Variants in SF3B1 observed in about 807,000 individuals in gnomAD.
SF3B1 encodes the protein pre-mRNA processing 10.
In SF3B1, 12 loss-of-function variants were observed where a neutral mutation model predicts 153.8. That is an observed-to-expected ratio of 0.08 (90% CI 0.05 to 0.13). The LOEUF (loss-of-function observed/expected upper bound fraction) is 0.13. SF3B1 is among the 10% of genes least tolerant of loss of function. The pLI is 1.00. For synonymous variants in SF3B1, 498 were observed against 525.2 expected, an observed-to-expected ratio of 0.95 and a Z score of 0.71; for missense variants, 513 against 1,606.1, an observed-to-expected ratio of 0.32 and a Z score of 11.63.
At chr2:197,428,680 G>A in intron 1 of SF3B1, among the ~76,000 whole-genome samples, 1 of 152,124 alleles carries the variant, frequency 6.6e-6, no homozygotes, top group Admixed American at 6.5e-5. Flanking sequence ...AATCACTTGA[G>A]ATCAGGAGTT....
At chr2:197,408,333 A>C in intron 8 of SF3B1, 36 bp downstream of exon 8, 1 of 1,582,908 alleles carries the variant, frequency 6.3e-7, no homozygotes, top group Non-Finnish European at 8.7e-7. Flanking sequence ...TAATTTATGG[A>C]GAAAAAAACA....
At position 197,418,903 on chromosome 2, in the gene SF3B1, T is replaced by C. The variant is rs1291480905; in HGVS notation, c.416-315A>G. On this transcript the variant is annotated intron_variant, in intron 4 of 24. Transcript: ENST00000335508. ...CTAATCCGGAATACGTACACTTTCG[T>C]GCCTTTGTCTCCATCAGCAGTTCTG... 1.9e-6 allele frequency: 3 copies of C among 1,595,592 alleles called. No individual in the cohort carries two copies. In the African/African-American group the frequency reaches 4.0e-5, roughly 21 times the overall value.
At chr2:197,420,368 T>G in intron 4 of SF3B1, 60 bp downstream of exon 4, 2 of 1,317,730 alleles carry the variant, frequency 1.5e-6, no homozygotes, top group Non-Finnish European at 2.2e-6. Context: ...ATCAAAGGGC[T>G]AAAGACAACT....
In SF3B1 at chr2:197,402,774, A is replaced by C. The variant is rs1438613366; in HGVS notation, c.1859T>G (p.Met620Arg). 6.2e-7 allele frequency: 1 copy of C among 1,614,116 alleles called. No individual in the cohort carries two copies. Among genetic ancestry groups the C allele is most frequent in the Non-Finnish European group, 8.5e-7 (1 of 1,180,000 alleles). The stretch of plus-strand genomic sequence containing the variant: ...TGTTGTGTTACGGACATACTCATCC[A>C]TGTTATCTATATCAGGTCTCATGGT... ...ISTMRPDIDN[M>R]DEYVRNTTAR... Residue 620 changes from methionine (M) to arginine (R), a missense_variant, in exon 14 of 25, where the codon ATG (methionine) becomes AGG (arginine). Met to Arg is a moderately conservative substitution (Grantham distance 91). Around this residue, in one of 21 missense-constraint regions of SF3B1, gnomAD observed 11 missense variants for 16.2 expected, o/e 0.68. Transcript: ENST00000335508. The surrounding 1 kb of genome is among the most constrained non-coding windows in gnomAD (Gnocchi z 4.6).
chr2:197,417,303 T>C (rs2085162237), intron 5 of SF3B1, among the ~76,000 whole-genome samples: 1 of 152,154 alleles, frequency 6.6e-6, no homozygotes, highest in Non-Finnish European at 1.5e-5. Context: ...AATAATAAAA[T>C]TGTTTTATTT....
chr2:197,401,006 A>T lies in SF3B1; in HGVS notation c.2497-70T>A. ...AAGGAAATAAAGCAACATCATGAAA[A>T]CCAAATACTCTAAATATACTACTTA... On this transcript the variant is annotated intron_variant, in intron 17 of 24. Coordinates refer to ENST00000335508, the MANE Select transcript of SF3B1 (RefSeq NM_012433.4). The surrounding 1 kb of genome is among the most constrained non-coding windows in gnomAD (Gnocchi z 4.2). 2 of 885,664 alleles carry T rather than the reference A, an allele frequency of 2.3e-6. No individual in the cohort carries two copies. Among genetic ancestry groups the T allele is most frequent in the Middle Eastern group, 4.5e-4 (2 of 4,480 alleles). 54.9% of individuals were successfully genotyped at this position (885,664 alleles called of 1,614,324 possible).
intron 8 of SF3B1, 65 bp downstream of exon 8, chr2:197,408,304 C>T: frequency 6.6e-7 from 1 of 1,503,994 alleles, no homozygotes; most frequent in Admixed American, 1.8e-5. Flanking sequence ...CACAGAATAC[C>T]ACAAAGGAAA....
intron 1 of SF3B1, 95 bp from the exon 2 acceptor site, chr2:197,424,069 C>G: frequency 4.9e-6 from 5 of 1,014,576 alleles, no homozygotes; most frequent in Non-Finnish European, 7.3e-6. Flanking sequence ...AAAATACTCT[C>G]TTAAATACAG....
rs771205060 is a variant in SF3B1, at chr2:197,392,365, G to A, written c.3853C>T (p.Pro1285Ser). ...GSQDALIAHY[P>S]RIYNDDKNTY... Reference sequence around the variant, plus strand: ...TTCTTATCATCGTTGTAGATTCTTGGGTAATGTGCTATGAGAGCGTCCTGG... The same window carrying A: ...TTCTTATCATCGTTGTAGATTCTTGAGTAATGTGCTATGAGAGCGTCCTGG... The change falls in exon 25 of 25, where the codon CCA (proline) becomes TCA (serine). Residue 1285 changes from proline to serine, a missense_variant. Physicochemically the swap from Pro to Ser is moderately conservative, Grantham distance 74. Transcript: ENST00000335508. 6.3e-7 allele frequency: 1 copy of A among 1,582,582 alleles called. No homozygotes were observed. Among genetic ancestry groups the A allele is most frequent in the South Asian group, 1.1e-5 (1 of 90,306 alleles).
At position 197,421,150 on chromosome 2, in the gene SF3B1, C is replaced by T; in HGVS notation, c.196-17G>A. ...ATCGTCATCCTGCAATGAAAACCCC[C>T]CAAAAAGCCATAAACAAAATGTTAG... is the stretch of plus-strand genomic sequence containing the variant. On this transcript the variant is annotated splice_polypyrimidine_tract_variant and intron_variant, in intron 2 of 24. Coordinates refer to ENST00000335508, the MANE Select transcript of SF3B1 (RefSeq NM_012433.4). 1 of 1,510,646 alleles carries T rather than the reference C, an allele frequency of 6.6e-7. No individual in the cohort carries two copies. Among genetic ancestry groups the T allele is most frequent in the Non-Finnish European group, 9.2e-7 (1 of 1,092,388 alleles). 93.6% of individuals were successfully genotyped at this position (1,510,646 alleles called of 1,614,324 possible).
intron 1 of SF3B1, among the ~76,000 whole-genome samples, chr2:197,430,047 G>C (rs1455474705): frequency 6.6e-6 from 1 of 151,932 alleles, no homozygotes; most frequent in African/African-American, 2.4e-5. Context: ...AGAGACAGGA[G>C]GAACCTATGA....
chr2:197,421,016 A>C lies in SF3B1; in HGVS notation c.300+13T>G. The C allele has an allele frequency of 6.6e-7, 1 of 1,520,882 alleles. No homozygotes were observed. Among genetic ancestry groups the C allele is most frequent in the Middle Eastern group, 1.7e-4 (1 of 5,856 alleles). 94.2% of individuals were successfully genotyped at this position (1,520,882 alleles called of 1,614,324 possible). A position where few individuals can be genotyped will look rare whatever the true frequency, so the allele number is the denominator to read the frequency against. ...TTAGCTGAATAAACTATGCTTTTAA[A>C]ATGAAAGATCACCTGTTCTGTTGAC... On this transcript the variant is annotated intron_variant, in intron 3 of 24. Transcript: ENST00000335508.
Position 197,401,356 on chromosome 2 carries a change from G to A in SF3B1, c.2496+44C>T, listed in dbSNP as rs2084935381. 6.4e-7 allele frequency: 1 copy of A among 1,551,792 alleles called. No homozygotes were observed. Among genetic ancestry groups the A allele is most frequent in the Non-Finnish European group, 8.7e-7 (1 of 1,149,080 alleles). ...TGCATTCAAGTTGACTAAAGAATGA[G>A]TTGAAAGGACTTTTGAGAATATTCT... On this transcript the variant is annotated intron_variant, in intron 17 of 24. Coordinates refer to ENST00000335508, the MANE Select transcript of SF3B1 (RefSeq NM_012433.4). The surrounding 1 kb of genome is among the most constrained non-coding windows in gnomAD (Gnocchi z 4.2).
chr2:197,417,190 T>C (rs2085160429), intron 5 of SF3B1, among the ~76,000 whole-genome samples: 1 of 152,150 alleles, frequency 6.6e-6, no homozygotes, highest in Non-Finnish European at 1.5e-5. Context: ...CAGTCAACAA[T>C]GGAGAACCAT....
rs1190379201 is a variant in SF3B1, at chr2:197,431,106, T to TC, written c.28+3865_28+3866insG. 6.6e-3 allele frequency among the ~76,000 whole-genome samples: 150 copies of TC among 22,852 alleles called. 2 individuals carry two copies. Among genetic ancestry groups the TC allele is most frequent in the African/African-American group, 0.043 (145 of 3,346 alleles). The allele number at this position is 22,852 out of a possible 152,430, so 15.0% of individuals were successfully genotyped here. A position where few individuals can be genotyped will look rare whatever the true frequency, so the allele number is the denominator to read the frequency against. On this transcript the variant is annotated intron_variant, in intron 1 of 24. Coordinates refer to ENST00000335508, the MANE Select transcript of SF3B1 (RefSeq NM_012433.4). ...TTTCCCCTCCTGTGCCTTTTCTTCT[T>TC]TTTTTTTTTTTTTTTTTTTTTTTTG...
rs1380493824 is a variant in SF3B1 at position 197,421,084 on chromosome 2, G to A, written c.245C>T (p.Pro82Leu). Residue 82 changes from proline (P) to leucine (L), a missense_variant, in exon 3 of 25, where the codon CCA (proline) becomes CTA (leucine). Pro to Leu is a moderately conservative substitution (Grantham distance 98). This residue lies in a region of SF3B1 where 56 missense variants were observed against 75.6 expected (regional missense o/e 0.74). Transcript: ENST00000335508. The stretch of plus-strand genomic sequence containing the variant: ...CAATGCCACAGGGGCATGATATCCT[G>A]GCTTCTTCTGACCAAGCAAACTCGT... ...SSTSLLGQKK[P>L]GYHAPVALLN... 6.2e-7 allele frequency: 1 copy of A among 1,613,278 alleles called. No individual in the cohort carries two copies.
intron 6 of SF3B1, among the ~76,000 whole-genome samples, chr2:197,412,257 A>G (rs1260758870): frequency 6.6e-6 from 1 of 152,100 alleles, no homozygotes; most frequent in Admixed American, 6.5e-5. Flanking sequence ...GAATTCTATT[A>G]TCTATTGTAA....
intron 2 of SF3B1, among the ~76,000 whole-genome samples, chr2:197,421,946 C>T (rs953413908): frequency 2.0e-5 from 3 of 152,080 alleles, no homozygotes; most frequent in African/African-American, 7.2e-5. Flanking sequence ...TGGCCACTGC[C>T]TTTGGTCTGG....
chr2:197,418,457 ACTG>A, intron 5 of SF3B1, 49 bp downstream of exon 5: 1 of 1,363,894 alleles, frequency 7.3e-7, no homozygotes, highest in African/African-American at 1.5e-5. Flanking sequence ...CTCAATCACA[ACTG>A]TATTTATATT....
Sources: allele counts gnomAD v4.1 joint callset (sites outside exome capture counted in the v4.1 genomes callset), GRCh38; gene constraint gnomAD v4.1.1; regional missense constraint gnomAD v4.1.1; non-coding constraint Gnocchi (gnomAD v3.1); transcripts MANE v1.5; gene names NCBI Gene and HGNC (gene_info 2026-07-23, HGNC 2026-07-21).